FUT2: variants seen among roughly 807,000 people sequenced by gnomAD.
FUT2 encodes the protein galactoside alpha-(1,2)-fucosyltransferase 2.
For missense variants in FUT2, 419 were observed against 465.8 expected (o/e 0.90, Z 0.93); for synonymous variants, 182 against 193.1 (o/e 0.94, Z 0.48).
rs1265824050 is a variant in FUT2 at position 48,703,416 on chromosome 19, T to C, written c.460T>C (p.Trp154Arg). The change falls in exon 2 of 2, where the codon TGG becomes CGG. Residue 154 changes from tryptophan to arginine, a missense_variant. Transcript: ENST00000425340. ...YVRFTGYPCS[W>R]TFYHHLRQEI... Reference sequence around the variant, plus strand: ...CCGCTTCACCGGCTACCCCTGCTCCTGGACCTTCTACCACCACCTCCGCCA... The same window carrying C: ...CCGCTTCACCGGCTACCCCTGCTCCCGGACCTTCTACCACCACCTCCGCCA... 6 of 1,612,872 alleles carry C rather than the reference T, an allele frequency of 3.7e-6. No homozygotes were observed. Among genetic ancestry groups the C allele is most frequent in the Non-Finnish European group, 5.1e-6 (6 of 1,179,952 alleles).
chr19:48,705,636 A>G lies in FUT2; in HGVS notation c.*1648A>G, dbSNP rs559452485. ...CATTCTTTCAGTAAATGTTTGCAGC[A>G]CATGTGTTACATGTCAGGCAGTGAA... On this transcript the variant is annotated 3_prime_UTR_variant, in exon 2 of 2. Coordinates refer to ENST00000425340, the MANE Select transcript of FUT2 (RefSeq NM_000511.6). The G allele has an allele frequency of 6.0e-6, 1 of 167,218 alleles. No individual in the cohort carries two copies. The allele number at this position is 167,218 out of a possible 1,614,324, so 10.4% of individuals were successfully genotyped here. A position where few individuals can be genotyped will look rare whatever the true frequency, so the allele number is the denominator to read the frequency against.
intron 1 of FUT2, among the ~76,000 whole-genome samples, chr19:48,702,644 TACAC>T (rs898124039): frequency 6.6e-6 from 1 of 152,046 alleles, no homozygotes; most frequent in African/African-American, 2.4e-5. Flanking sequence ...GCTGTATATG[TACAC>T]ACACAATTTT....
chr19:48,704,006 AG>A lies in FUT2; in HGVS notation c.*19del. ...AGCACTAATGCTGGCCCATTCTTTG[AG>A]ACCTTTTCTCCTTCTCTGCCTCCCT... On this transcript the variant is annotated 3_prime_UTR_variant, in exon 2 of 2. Transcript: ENST00000425340. 6.2e-7 allele frequency: 1 copy of A among 1,609,454 alleles called. No individual in the cohort carries two copies. Among genetic ancestry groups the A allele is most frequent in the Non-Finnish European group, 8.5e-7 (1 of 1,176,862 alleles).
At chr19:48,702,821 C>A in intron 1 of FUT2, 134 bp from the exon 2 acceptor site, 1 of 848,660 alleles carries the variant, frequency 1.2e-6, no homozygotes, top group East Asian at 2.4e-5. Context: ...CAAGTATGTG[C>A]CAAGTATTTA....
intron 1 of FUT2, among the ~76,000 whole-genome samples, chr19:48,701,591 G>A (rs28362833): frequency 1.0e-3 from 157 of 152,222 alleles, no homozygotes; most frequent in African/African-American, 3.7e-3. Flanking sequence ...CGGCCAGGAG[G>A]GCAGGCAGGC....
chr19:48,701,588 G>A (rs1419570578), intron 1 of FUT2, among the ~76,000 whole-genome samples: 1 of 152,140 alleles, frequency 6.6e-6, no homozygotes, highest in Non-Finnish European at 1.5e-5. Flanking sequence ...CTGCGGCCAG[G>A]AGGGCAGGCA....
intron 1 of FUT2, among the ~76,000 whole-genome samples, chr19:48,702,087 C>T (rs1270031811): frequency 2.6e-5 from 4 of 152,016 alleles, no homozygotes; most frequent in Admixed American, 6.5e-5. Context: ...TACACTCAGT[C>T]GATAAACACC....
intron 1 of FUT2, among the ~76,000 whole-genome samples, chr19:48,700,909 A>T (rs573313922): frequency 6.6e-6 from 1 of 152,004 alleles, no homozygotes; most frequent in Non-Finnish European, 1.5e-5. Context: ...TGAGAAGTTG[A>T]TCAGCCACCT....
chr19:48,698,661 C>T (rs989359261), intron 1 of FUT2, among the ~76,000 whole-genome samples: 1 of 152,024 alleles, frequency 6.6e-6, no homozygotes, highest in African/African-American at 2.4e-5. Flanking sequence ...AGGCTGCTTT[C>T]AAACTCCTGA....
intron 1 of FUT2, among the ~76,000 whole-genome samples, chr19:48,697,135 C>T (rs907963760): frequency 1.3e-5 from 2 of 151,884 alleles, no homozygotes; most frequent in Admixed American, 1.3e-4. Context: ...CACTTGAGGT[C>T]AGGAGTTCGA....
At position 48,703,284 on chromosome 19, in the gene FUT2, A is replaced by G; in HGVS notation, c.328A>G (p.Thr110Ala). Residue 110 changes from threonine to alanine, a missense_variant, in exon 2 of 2, where the codon ACC becomes GCC. Thr to Ala is a moderately conservative substitution (Grantham distance 58, BLOSUM62 0). Coordinates refer to ENST00000425340, the MANE Select transcript of FUT2 (RefSeq NM_000511.6). ...CACCCTGGCCCCCATCTTCAGAATCACCCTGCCGGTGCTGCACAGCGCCAC... is the reference window on the plus strand; with the variant it reads ...CACCCTGGCCCCCATCTTCAGAATCGCCCTGCCGGTGCTGCACAGCGCCAC... ...HSTLAPIFRI[T>A]LPVLHSATAS... 6.2e-7 allele frequency: 1 copy of G among 1,612,598 alleles called. No individual in the cohort carries two copies.
intron 1 of FUT2, among the ~76,000 whole-genome samples, chr19:48,700,452 G>A (rs1282516096): frequency 6.6e-6 from 1 of 151,644 alleles, no homozygotes; most frequent in Admixed American, 6.6e-5. Flanking sequence ...TCAACCTCCT[G>A]AGTAGCTGGG....
Position 48,704,452 on chromosome 19 carries a change from A to G in FUT2, c.*464A>G. 1 of 343,906 alleles carries G rather than the reference A, an allele frequency of 2.9e-6. No homozygotes were observed. Among genetic ancestry groups the G allele is most frequent in the Admixed American group, 4.5e-5 (1 of 22,350 alleles). The allele number at this position is 343,906 out of a possible 1,614,324, so 21.3% of individuals were successfully genotyped here. ...AAAAAAAAAAAAAAAGAAAAGAAAAAGAAATGAATGGGTTCAAAGACCATA... is the reference window on the plus strand; with the variant it reads ...AAAAAAAAAAAAAAAGAAAAGAAAAGGAAATGAATGGGTTCAAAGACCATA... On this transcript the variant is annotated 3_prime_UTR_variant, in exon 2 of 2. Coordinates refer to ENST00000425340, the MANE Select transcript of FUT2 (RefSeq NM_000511.6).
At chr19:48,696,912 G>T (rs2032421496) in intron 1 of FUT2, among the ~76,000 whole-genome samples, 1 of 152,088 alleles carries the variant, frequency 6.6e-6, no homozygotes, top group East Asian at 2.0e-4. Flanking sequence ...AGCCGGAGGG[G>T]TGTGCGGGGC....
intron 1 of FUT2, chr19:48,696,547 G>A (rs418821): frequency 6.6e-6 from 1 of 152,274 alleles, no homozygotes; most frequent in Non-Finnish European, 1.5e-5. Flanking sequence ...GAGCCCTGCC[G>A]TCGCCCAGGG....
chr19:48,703,328 G>A lies in FUT2; in HGVS notation c.372G>A (p.Trp124Ter), dbSNP rs758090404. Residue 124 changes from tryptophan to a stop codon, truncating the protein, a stop_gained, in exon 2 of 2, where the codon TGG (tryptophan) becomes TGA (stop). Transcript: ENST00000425340. LOFTEE classifies it low-confidence loss of function (END_TRUNC). ...LHSATASRIP[W>*]QNYHLNDWME... ...GCGCCACGGCCAGCAGGATCCCCTGGCAGAACTACCACCTGAACGACTGGA... is the reference window on the plus strand; with the variant it reads ...GCGCCACGGCCAGCAGGATCCCCTGACAGAACTACCACCTGAACGACTGGA... The A allele has an allele frequency of 1.2e-6, 2 of 1,613,008 alleles. 1 individual carries two copies. Among genetic ancestry groups the A allele is most frequent in the South Asian group, 2.2e-5 (2 of 90,642 alleles).
chr19:48,701,333 C>T (rs1029782423), intron 1 of FUT2, among the ~76,000 whole-genome samples: 2 of 151,920 alleles, frequency 1.3e-5, no homozygotes, highest in Non-Finnish European at 2.9e-5. Flanking sequence ...CGTCCGCCAC[C>T]ACACCTGGCT....
intron 1 of FUT2, among the ~76,000 whole-genome samples, chr19:48,699,655 A>G (rs754961499): frequency 1.3e-5 from 2 of 152,060 alleles, no homozygotes; most frequent in Non-Finnish European, 2.9e-5. Context: ...CCGCCTGTGT[A>G]TATGTGCCAG....
Position 48,704,034 on chromosome 19 carries a change from A to C in FUT2, c.*46A>C. 1 of 1,542,706 alleles carries C rather than the reference A, an allele frequency of 6.5e-7. No individual in the cohort carries two copies. The highest frequency in any genetic ancestry group is 9.0e-7 in the Non-Finnish European group (1 of 1,116,906). On this transcript the variant is annotated 3_prime_UTR_variant, in exon 2 of 2. Transcript: ENST00000425340. ...CCTTTTCTCCTTCTCTGCCTCCCTC[A>C]AGATGAGTGCCCGGGCATGAGAAGC...
Sources: gnomAD v4.1 joint callset for allele counts (sites outside exome capture counted in the v4.1 genomes callset) on GRCh38, gnomAD v4.1.1 for gene constraint, MANE v1.5 for transcripts, NCBI Gene and HGNC (gene_info 2026-07-23, HGNC 2026-07-21) for gene names.